GRAMD1B: variants seen among roughly 807,000 people sequenced by gnomAD.
GRAMD1B encodes the protein GRAM domain containing 1B.
In GRAMD1B, 37 loss-of-function variants were observed where a neutral mutation model predicts 99.7. The ratio of observed to expected loss-of-function variants is 0.37; its 90% CI spans 0.29 to 0.49. The LOEUF is 0.49. Ranked by LOEUF, GRAMD1B falls within the 20% of genes least tolerant of loss-of-function variation. The pLI, the probability that GRAMD1B is intolerant of heterozygous loss-of-function variation, is 0.98. For missense variants in GRAMD1B, 888 were observed against 1,009.2 expected, an observed-to-expected ratio of 0.88 and a Z score of 1.63; for synonymous variants, 427 against 387.6, an observed-to-expected ratio of 1.10 and a Z score of -1.19.
In GRAMD1B at chr11:123,556,341, G is replaced by A. The variant is rs702740; in HGVS notation, c.453-21026G>A. Reference sequence around the variant, plus strand: ...TAGTATGCAGGTGGGATTCAGAGACGTAAGATCTTAGCCTTTATTTTCAAC... The same window carrying A: ...TAGTATGCAGGTGGGATTCAGAGACATAAGATCTTAGCCTTTATTTTCAAC... On this transcript the variant is annotated intron_variant, in intron 2 of 19. Transcript: ENST00000635736. Among the ~76,000 whole-genome samples, 722 of 152,288 alleles carry A rather than the reference G, an allele frequency of 4.7e-3. 5 individuals carry two copies. Among genetic ancestry groups the A allele is most frequent in the African/African-American group, 0.016 (681 of 41,560 alleles).
chr11:123,482,003 A>T (rs1565287829), intron 2 of GRAMD1B, among the ~76,000 whole-genome samples: 1 of 152,186 alleles, frequency 6.6e-6, no homozygotes, highest in Non-Finnish European at 1.5e-5. Flanking sequence ...AGGATGATAG[A>T]ATCAAGACTT....
At chr11:123,477,486 A>G (rs972716343) in intron 1 of GRAMD1B, among the ~76,000 whole-genome samples, 1 of 151,918 alleles carries the variant, frequency 6.6e-6, no homozygotes, top group South Asian at 2.1e-4. Context: ...GTGTTAAGGC[A>G]TCTTTCAGTC....
At chr11:123,431,945 C>G (rs1481944905) in intron 1 of GRAMD1B, 6 of 396,462 alleles carry the variant, frequency 1.5e-5, no homozygotes, top group Non-Finnish European at 2.7e-5. Flanking sequence ...AAGCCCCTTG[C>G]CTGGTGGAGG....
chr11:123,467,394 C>T (rs1257026983), intron 1 of GRAMD1B, among the ~76,000 whole-genome samples: 7 of 103,340 alleles, frequency 6.8e-5, no homozygotes, highest in East Asian at 3.2e-4. Flanking sequence ...TTTTCAACAC[C>T]TTTTTTTTTT....
At chr11:123,521,615 T>TGTA (rs1270149852) in intron 2 of GRAMD1B, among the ~76,000 whole-genome samples, 1 of 152,244 alleles carries the variant, frequency 6.6e-6, no homozygotes, top group Non-Finnish European at 1.5e-5. Flanking sequence ...GTACAATCAG[T>TGTA]GTAAGAGTCA....
At chr11:123,456,945 A>G (rs1591582491) in intron 1 of GRAMD1B, among the ~76,000 whole-genome samples, 1 of 148,896 alleles carries the variant, frequency 6.7e-6, no homozygotes, top group East Asian at 2.0e-4. Context: ...AAAGAAAAAG[A>G]AAAGAAAGAA....
At chr11:123,481,442 A>G (rs1353797735) in intron 2 of GRAMD1B, among the ~76,000 whole-genome samples, 1 of 150,108 alleles carries the variant, frequency 6.7e-6, no homozygotes. Context: ...CAACAGAGGG[A>G]GACTTCGTCT....
chr11:123,617,059 C>T (rs930146820), intron 17 of GRAMD1B, among the ~76,000 whole-genome samples: 36 of 152,296 alleles, frequency 2.4e-4, no homozygotes, highest in African/African-American at 8.2e-4. Flanking sequence ...ATGACACACA[C>T]GGTACCACTT....
intron 6 of GRAMD1B, among the ~76,000 whole-genome samples, chr11:123,595,088 CAGGCAAA>C (rs1346202032): frequency 3.9e-5 from 6 of 152,110 alleles, no homozygotes; most frequent in Non-Finnish European, 8.8e-5. Flanking sequence ...TTGTCAAATG[CAGGCAAA>C]TATTTGGCAT....
chr11:123,361,095 C>T (rs1034218107), intron 1 of GRAMD1B, among the ~76,000 whole-genome samples: 1 of 152,130 alleles, frequency 6.6e-6, no homozygotes, highest in Non-Finnish European at 1.5e-5. Context: ...GGATTACAGG[C>T]GTGAGCCACT....
intron 1 of GRAMD1B, among the ~76,000 whole-genome samples, chr11:123,461,722 A>G (rs545903326): frequency 1.4e-4 from 22 of 152,196 alleles, no homozygotes; most frequent in African/African-American, 5.3e-4. Flanking sequence ...CTTCTGCCTT[A>G]GCCTCCCGAG....
intron 1 of GRAMD1B, among the ~76,000 whole-genome samples, chr11:123,466,924 G>C (rs1316181533): frequency 6.6e-6 from 1 of 152,166 alleles, no homozygotes; most frequent in African/African-American, 2.4e-5. Flanking sequence ...ACTAGAAAAA[G>C]GTGGTGTGCT....
At chr11:123,526,225 GC>G (rs2135482012) in intron 2 of GRAMD1B, 1 of 1,480,116 alleles carries the variant, frequency 6.8e-7, no homozygotes, top group East Asian at 2.3e-5. Context: ...TCAGCCCTGT[GC>G]TCGCCCCAGC....
chr11:123,533,056 G>A (rs927595796), intron 2 of GRAMD1B, among the ~76,000 whole-genome samples: 4 of 152,106 alleles, frequency 2.6e-5, no homozygotes, highest in South Asian at 2.1e-4. Flanking sequence ...CACAACTTCC[G>A]CCTCCCTGGT....
rs371993952 is a variant in GRAMD1B at position 123,516,928 on chromosome 11, T to A, written c.452+36035T>A. 4.6e-5 allele frequency among the ~76,000 whole-genome samples: 7 copies of A among 152,290 alleles called. No individual in the cohort carries two copies. The East Asian group carries it at 9.7e-4, about 21-fold the overall frequency. ...CATATTAGACGCTCCATAAGTATGG[T>A]TCTGTTTTTGAGACGGGGTCTTGCT... On this transcript the variant is annotated intron_variant, in intron 2 of 19. Coordinates refer to ENST00000635736, the MANE Select transcript of GRAMD1B (RefSeq NM_001387025.1).
chr11:123,497,900 CAA>C (rs34168499), intron 2 of GRAMD1B, among the ~76,000 whole-genome samples: 27,387 of 110,158 alleles, frequency 0.25, 2,839 homozygotes, highest in Admixed American at 0.3. Flanking sequence ...GAATCTGTCT[CAA>C]AAAAAAAAAA....
chr11:123,548,325 T>TATATATATATATATATATATATACAC (rs1555067740), intron 2 of GRAMD1B, among the ~76,000 whole-genome samples: 1 of 86,902 alleles, frequency 1.2e-5, no homozygotes, highest in Non-Finnish European at 2.1e-5. Context: ...TATATATATA[T>TATATATATATATATATATATATACAC]ACACACACAC....
At chr11:123,582,482 T>C (rs1949465535) in intron 3 of GRAMD1B, among the ~76,000 whole-genome samples, 1 of 152,138 alleles carries the variant, frequency 6.6e-6, no homozygotes, top group South Asian at 2.1e-4. Context: ...GGCCTCTGGA[T>C]GGACCGTGGT....
At chr11:123,608,318 A>C in intron 11 of GRAMD1B, 2 of 616,548 alleles carry the variant, frequency 3.2e-6, no homozygotes, top group South Asian at 4.3e-5. Flanking sequence ...GGGTTTAGGC[A>C]ACTTCCAGAA....
Sources: gnomAD v4.1 joint callset for allele counts (sites outside exome capture counted in the v4.1 genomes callset) on GRCh38, gnomAD v4.1.1 for gene constraint, MANE v1.5 for transcripts, NCBI Gene and HGNC (gene_info 2026-07-23, HGNC 2026-07-21) for gene names.